MARCHF5: variants seen among roughly 807,000 people sequenced by gnomAD.
The protein encoded by MARCHF5 is membrane associated ring-CH-type finger 5, also known as E3 ubiquitin-protein ligase MARCHF5.
MARCHF5 carries 5 observed loss-of-function variants against 36.5 expected under a neutral mutation model. That is an observed-to-expected ratio of 0.14 (90% CI 0.07 to 0.29). The LOEUF (loss-of-function observed/expected upper bound fraction) is 0.29. Ranked by LOEUF, MARCHF5 falls within the 10% of genes least tolerant of loss-of-function variation. The pLI is 1.00. For synonymous variants in MARCHF5, 103 were observed against 109.9 expected (o/e 0.94, Z 0.39); for missense variants, 179 against 336.3 (o/e 0.53, Z 3.66).
At chr10:92,292,137 G>C (rs529592307) in intron 1 of MARCHF5, among the ~76,000 whole-genome samples, 1 of 150,730 alleles carries the variant, frequency 6.6e-6, no homozygotes, top group Non-Finnish European at 1.5e-5. Flanking sequence ...TGAGTCCAAC[G>C]CTGAACATTT....
intron 3 of MARCHF5, among the ~76,000 whole-genome samples, chr10:92,345,498 A>G (rs1477563750): frequency 6.6e-6 from 1 of 152,156 alleles, no homozygotes; most frequent in Non-Finnish European, 1.5e-5. Context: ...CTCTGTCTCT[A>G]ATTAATTAAT....
chr10:92,339,013 C>A (rs1477990180), intron 2 of MARCHF5, among the ~76,000 whole-genome samples: 2 of 150,242 alleles, frequency 1.3e-5, no homozygotes, highest in Admixed American at 6.7e-5. Flanking sequence ...CCACTGCACT[C>A]CAGCCTGGGC....
intron 1 of MARCHF5, among the ~76,000 whole-genome samples, chr10:92,297,483 CTT>C (rs965295861): frequency 6.5e-5 from 8 of 122,950 alleles, no homozygotes; most frequent in Admixed American, 1.7e-4. Flanking sequence ...CAGCTTTCAA[CTT>C]TTTTTTTTTT....
At chr10:92,348,871 G>C (rs1350914364) in intron 3 of MARCHF5, among the ~76,000 whole-genome samples, 1 of 152,180 alleles carries the variant, frequency 6.6e-6, no homozygotes, top group Non-Finnish European at 1.5e-5. Flanking sequence ...ACTAAGTAAG[G>C]AGAAAGAGCC....
chr10:92,343,574 TG>T (rs1428891477), intron 3 of MARCHF5, among the ~76,000 whole-genome samples: 6 of 152,224 alleles, frequency 3.9e-5, no homozygotes, highest in Non-Finnish European at 7.3e-5. Context: ...TTTTGTTTTT[TG>T]TTTTTTTGTT....
At chr10:92,326,934 A>C (rs989159664) in intron 2 of MARCHF5, among the ~76,000 whole-genome samples, 8 of 152,106 alleles carry the variant, frequency 5.3e-5, no homozygotes, top group Non-Finnish European at 1.0e-4. Flanking sequence ...GTGCCAAGTA[A>C]GTTTTCTTAC....
At chr10:92,321,873 G>T (rs1179726912) in intron 2 of MARCHF5, among the ~76,000 whole-genome samples, 2 of 151,858 alleles carry the variant, frequency 1.3e-5, no homozygotes, top group Admixed American at 6.6e-5. Flanking sequence ...CTGTAAGATT[G>T]GTAGTAATGC....
chr10:92,346,421 G>C (rs1185311897), intron 3 of MARCHF5, among the ~76,000 whole-genome samples: 2 of 151,836 alleles, frequency 1.3e-5, no homozygotes, highest in Non-Finnish European at 2.9e-5. Flanking sequence ...TTGAGCATGG[G>C]GCATCTCTCT....
intron 1 of MARCHF5, among the ~76,000 whole-genome samples, chr10:92,302,409 A>G (rs1252403724): frequency 1.3e-5 from 2 of 151,970 alleles, no homozygotes; most frequent in Admixed American, 6.6e-5. Context: ...ATCCTGAGAC[A>G]AAATAAGCAA....
intron 2 of MARCHF5, among the ~76,000 whole-genome samples, chr10:92,316,116 A>T (rs1043183444): frequency 6.6e-6 from 1 of 152,184 alleles, no homozygotes; most frequent in Non-Finnish European, 1.5e-5. Context: ...AAAGGTGATG[A>T]TGGTTAATAT....
chr10:92,295,629 C>A (rs569824942), intron 1 of MARCHF5, among the ~76,000 whole-genome samples: 38 of 151,646 alleles, frequency 2.5e-4, no homozygotes, highest in African/African-American at 7.2e-4. Context: ...AGGATGGTCT[C>A]GATCTCCTGA....
intron 2 of MARCHF5, among the ~76,000 whole-genome samples, chr10:92,326,469 A>T (rs890559810): frequency 6.6e-6 from 1 of 152,184 alleles, no homozygotes; most frequent in Non-Finnish European, 1.5e-5. Context: ...TCACTCAGTG[A>T]GTCAGCTAAT....
At chr10:92,300,497 C>CA (rs946349700) in intron 1 of MARCHF5, among the ~76,000 whole-genome samples, 282 of 138,054 alleles carry the variant, frequency 2.0e-3, no homozygotes, top group Middle Eastern at 3.6e-3. Flanking sequence ...GACCCTGTCT[C>CA]AAAAAAAAAA....
chr10:92,320,612 A>G (rs1843279260), intron 2 of MARCHF5, among the ~76,000 whole-genome samples: 1 of 152,074 alleles, frequency 6.6e-6, no homozygotes, highest in East Asian at 1.9e-4. Flanking sequence ...GTTTTTAACA[A>G]AAAAGTTTAA....
In MARCHF5 at chr10:92,351,901, CGTGTGTGTGT is replaced by C. The variant is rs10552774; in HGVS notation, c.*723_*732del. 10,199 of 141,324 alleles carry C rather than the reference CGTGTGTGTGT, an allele frequency of 0.072. 475 individuals are homozygous for C. The highest frequency in any genetic ancestry group is 0.16 in the East Asian group (768 of 4,914). The allele number at this position is 141,324 out of a possible 1,614,324, so 8.8% of individuals were successfully genotyped here. ...ATGAAGTAATTTTGACTCATGCAGT[CGTGTGTGTGT>C]GTGTGTGTGTGTGTGTGTGTGTGTG... On this transcript the variant is annotated 3_prime_UTR_variant, in exon 6 of 6. Transcript: ENST00000358935.
At chr10:92,301,491 C>T (rs1426523906) in intron 1 of MARCHF5, among the ~76,000 whole-genome samples, 1 of 152,188 alleles carries the variant, frequency 6.6e-6, no homozygotes, top group Non-Finnish European at 1.5e-5. Context: ...GTGGCCTTGG[C>T]CAGATCACTT....
At chr10:92,333,016 C>T (rs924170494) in intron 2 of MARCHF5, among the ~76,000 whole-genome samples, 22 of 151,812 alleles carry the variant, frequency 1.4e-4, no homozygotes, top group Non-Finnish European at 2.4e-4. Context: ...CAAAATTAGC[C>T]AGGCATGGTG....
intron 2 of MARCHF5, among the ~76,000 whole-genome samples, chr10:92,323,898 A>G (rs776432787): frequency 6.6e-6 from 1 of 152,174 alleles, no homozygotes; most frequent in Non-Finnish European, 1.5e-5. Flanking sequence ...TAAATTTTCA[A>G]CTCATTGGGG....
At chr10:92,324,518 C>T (rs576249061) in intron 2 of MARCHF5, among the ~76,000 whole-genome samples, 2 of 152,208 alleles carry the variant, frequency 1.3e-5, no homozygotes, top group Admixed American at 6.6e-5. Flanking sequence ...CCTGCTACCA[C>T]GCCCGGCTAA....
Sources: gnomAD v4.1 joint callset for allele counts (sites outside exome capture counted in the v4.1 genomes callset) on GRCh38, gnomAD v4.1.1 for gene constraint, MANE v1.5 for transcripts, NCBI Gene and HGNC (gene_info 2026-07-23, HGNC 2026-07-21) for gene names.